HECW1: variants seen among roughly 807,000 people sequenced by gnomAD.
HECW1 encodes the protein E3 ubiquitin-protein ligase HECW1.
A neutral mutation model predicts 182.3 loss-of-function variants in HECW1; 61 were observed. That is an observed-to-expected ratio of 0.33 (90% CI 0.27 to 0.41). HECW1 has a LOEUF of 0.41. Among genes scored for constraint, HECW1 ranks in the 10% least tolerant of loss-of-function variants. The pLI is 1.00. For missense variants in HECW1, 1,739 were observed against 2,108.9 expected, an observed-to-expected ratio of 0.82 and a Z score of 3.44; for synonymous variants, 859 against 832.6, an observed-to-expected ratio of 1.03 and a Z score of -0.55.
intron 2 of HECW1, among the ~76,000 whole-genome samples, chr7:43,231,752 C>T (rs184833178): frequency 1.7e-3 from 256 of 151,994 alleles, no homozygotes; most frequent in African/African-American, 6.0e-3. Context: ...CGCGGTGGCT[C>T]ACGCCTGTAA....
intron 3 of HECW1, among the ~76,000 whole-genome samples, chr7:43,296,794 C>T (rs535510331): frequency 1.7e-4 from 26 of 152,350 alleles, no homozygotes; most frequent in African/African-American, 6.0e-4. Context: ...GTGCACTTTG[C>T]GGCCTCCACA....
At chr7:43,388,985 G>A (rs1040785974) in intron 6 of HECW1, among the ~76,000 whole-genome samples, 1 of 152,184 alleles carries the variant, frequency 6.6e-6, no homozygotes, top group African/African-American at 2.4e-5. Context: ...AGAAAGGAGT[G>A]GGGCCTGGAC....
intron 3 of HECW1, among the ~76,000 whole-genome samples, chr7:43,282,837 G>T (rs979133214): frequency 1.3e-5 from 2 of 152,110 alleles, no homozygotes; most frequent in Admixed American, 1.3e-4. Flanking sequence ...CCCAGTGTTG[G>T]CTGGGTGCGG....
At chr7:43,427,964 G>A (rs999090631) in intron 8 of HECW1, among the ~76,000 whole-genome samples, 8 of 152,056 alleles carry the variant, frequency 5.3e-5, no homozygotes, top group African/African-American at 1.5e-4. Flanking sequence ...TCTCCCCTTC[G>A]ACTGATTAAT....
At chr7:43,560,602 C>T (rs1206145227) in intron 29 of HECW1, among the ~76,000 whole-genome samples, 1 of 152,130 alleles carries the variant, frequency 6.6e-6, no homozygotes, top group African/African-American at 2.4e-5. Flanking sequence ...TTCCCATCTT[C>T]CTTATTCCCA....
chr7:43,186,961 G>A (rs915110756), intron 2 of HECW1, among the ~76,000 whole-genome samples: 1 of 152,224 alleles, frequency 6.6e-6, no homozygotes, highest in Non-Finnish European at 1.5e-5. Context: ...TAAGTGACAT[G>A]AATGTATTGA....
At chr7:43,553,720 C>G (rs954220185) in intron 28 of HECW1, among the ~76,000 whole-genome samples, 1 of 150,702 alleles carries the variant, frequency 6.6e-6, no homozygotes, top group Non-Finnish European at 1.5e-5. Context: ...CCCCATAACA[C>G]CCCCCGGAAA....
chr7:43,180,623 C>T (rs942293149), intron 2 of HECW1, among the ~76,000 whole-genome samples: 9 of 152,324 alleles, frequency 5.9e-5, no homozygotes, highest in Admixed American at 5.9e-4. Flanking sequence ...TCTCGACCTC[C>T]TGACCTCGTG....
intron 2 of HECW1, among the ~76,000 whole-genome samples, chr7:43,170,632 G>C (rs1414186902): frequency 6.6e-6 from 1 of 152,214 alleles, no homozygotes; most frequent in Non-Finnish European, 1.5e-5. Context: ...GGTTGCATTT[G>C]AAAGGGCCTT....
At chr7:43,446,119 G>A (rs576446697) in intron 11 of HECW1, among the ~76,000 whole-genome samples, 2 of 152,086 alleles carry the variant, frequency 1.3e-5, no homozygotes, top group Admixed American at 1.3e-4. Flanking sequence ...CATTATTTAT[G>A]TCCACTCAAT....
At chr7:43,146,742 C>T (rs1469976409) in intron 2 of HECW1, among the ~76,000 whole-genome samples, 1 of 152,204 alleles carries the variant, frequency 6.6e-6, no homozygotes, top group Admixed American at 6.5e-5. Context: ...GATGCCCACT[C>T]CATGCAGACA....
intron 8 of HECW1, among the ~76,000 whole-genome samples, chr7:43,410,426 T>C (rs2075763147): frequency 6.6e-6 from 1 of 152,012 alleles, no homozygotes; most frequent in Admixed American, 6.5e-5. Flanking sequence ...CGTAATGACC[T>C]CCAAAGGCCC....
intron 8 of HECW1, among the ~76,000 whole-genome samples, chr7:43,418,839 A>T (rs1251116655): frequency 6.6e-6 from 1 of 152,146 alleles, no homozygotes; most frequent in African/African-American, 2.4e-5. Flanking sequence ...TTTTTTAATA[A>T]ATTAAGTCAT....
intron 2 of HECW1, among the ~76,000 whole-genome samples, chr7:43,198,301 A>G (rs1169072581): frequency 6.9e-6 from 1 of 145,036 alleles, no homozygotes; most frequent in Non-Finnish European, 1.5e-5. Context: ...ACATTCGCAC[A>G]CTCACCCTAC....
intron 24 of HECW1, among the ~76,000 whole-genome samples, chr7:43,515,388 T>A (rs2152933533): frequency 6.6e-6 from 1 of 152,078 alleles, no homozygotes; most frequent in African/African-American, 2.4e-5. Flanking sequence ...TGAACTGGAG[T>A]GGGCAATAGG....
At chr7:43,292,730 T>C (rs763562120) in intron 3 of HECW1, among the ~76,000 whole-genome samples, 2 of 152,184 alleles carry the variant, frequency 1.3e-5, no homozygotes, top group Admixed American at 6.5e-5. Flanking sequence ...TCTGAAGTTA[T>C]GCATGTGAGG....
chr7:43,538,945 T>A (rs2081272375), intron 24 of HECW1, among the ~76,000 whole-genome samples: 1 of 152,216 alleles, frequency 6.6e-6, no homozygotes, highest in Admixed American at 6.5e-5. Context: ...AAGGAAGCAT[T>A]GTTCTATTGC....
intron 3 of HECW1, among the ~76,000 whole-genome samples, chr7:43,265,364 A>C (rs1372879911): frequency 6.6e-6 from 1 of 152,220 alleles, no homozygotes; most frequent in Non-Finnish European, 1.5e-5. Context: ...ACAGCGGGCC[A>C]GGAAGTGTCA....
chr7:43,156,093 G>T (rs1789851302), intron 2 of HECW1, among the ~76,000 whole-genome samples: 1 of 152,186 alleles, frequency 6.6e-6, no homozygotes. Flanking sequence ...ATTCTAAACT[G>T]TGATGAAAGA....
Sources: gnomAD v4.1 joint callset for allele counts (sites outside exome capture counted in the v4.1 genomes callset) on GRCh38, gnomAD v4.1.1 for gene constraint, MANE v1.5 for transcripts, NCBI Gene and HGNC (gene_info 2026-07-23, HGNC 2026-07-21) for gene names.